Variants in NAALADL2 observed in about 807,000 individuals in gnomAD.
NAALADL2 encodes inactive N-acetylated-alpha-linked acidic dipeptidase-like protein 2.
In NAALADL2, 76 loss-of-function variants were observed where a neutral mutation model predicts 87.2. That is an observed-to-expected ratio of 0.87 (90% CI 0.72 to 1.05). The LOEUF is 1.05. Among genes scored for constraint, NAALADL2 ranks in the 50% least tolerant of loss-of-function variants. NAALADL2 has a pLI of 0.00. For synonymous variants in NAALADL2, 354 were observed against 331.0 expected (o/e 1.07, Z -0.75); for missense variants, 1,089 against 945.8 (o/e 1.15, Z -1.99).
intron 2 of NAALADL2, among the ~76,000 whole-genome samples, chr3:175,223,285 C>CATAT (rs1246191583): frequency 5.3e-5 from 8 of 150,966 alleles, no homozygotes; most frequent in Admixed American, 2.0e-4. Flanking sequence ...CTTCCACCAC[C>CATAT]ATATACCCCT....
chr3:174,450,869 C>CAAAAAAAAAAA (rs761513802), intron 1 of NAALADL2, among the ~76,000 whole-genome samples: 3 of 74,892 alleles, frequency 4.0e-5, no homozygotes, highest in African/African-American at 1.0e-4. Context: ...GACTCTGTCT[C>CAAAAAAAAAAA]AAAAAAAAAA....
At chr3:174,744,790 A>G (rs1001919084) in intron 3 of NAALADL2, among the ~76,000 whole-genome samples, 19 of 152,178 alleles carry the variant, frequency 1.2e-4, no homozygotes, top group Non-Finnish European at 2.6e-4. Flanking sequence ...AAGATTAAGA[A>G]ACTCACTCAA....
chr3:175,702,592 T>C (rs1380928690), intron 11 of NAALADL2, among the ~76,000 whole-genome samples: 7 of 152,150 alleles, frequency 4.6e-5, no homozygotes, highest in Admixed American at 4.6e-4. Context: ...TGCTTCTCAG[T>C]TATAGTCCAT....
intron 2 of NAALADL2, among the ~76,000 whole-genome samples, chr3:174,610,966 C>T (rs1275172079): frequency 1.3e-5 from 2 of 152,022 alleles, no homozygotes; most frequent in African/African-American, 4.8e-5. Context: ...ACATATACAC[C>T]ATGGAATACT....
At chr3:175,532,899 A>G (rs549865419) in intron 9 of NAALADL2, among the ~76,000 whole-genome samples, 8 of 152,290 alleles carry the variant, frequency 5.3e-5, no homozygotes, top group Admixed American at 3.9e-4. Context: ...GGTCAAGGGT[A>G]TATCTTCTGG....
intron 11 of NAALADL2, among the ~76,000 whole-genome samples, chr3:175,690,886 A>T (rs768003474): frequency 9.2e-5 from 14 of 151,908 alleles, no homozygotes; most frequent in Non-Finnish European, 1.6e-4. Flanking sequence ...CAGTCCTCAA[A>T]CTCTATTTTC....
At chr3:174,558,854 T>C (rs943599070) in intron 2 of NAALADL2, among the ~76,000 whole-genome samples, 1 of 152,062 alleles carries the variant, frequency 6.6e-6, no homozygotes, top group Non-Finnish European at 1.5e-5. Flanking sequence ...TTCCTGAAAA[T>C]TTGTGACTTT....
chr3:174,787,576 C>CATATATATATATATATATATAT (rs71300440), intron 3 of NAALADL2, among the ~76,000 whole-genome samples: 1 of 14,728 alleles, frequency 6.8e-5, no homozygotes, highest in Non-Finnish European at 1.5e-4. Context: ...AATATATCAT[C>CATATATATATATATATATATAT]ATATATATAT....
chr3:174,551,487 G>A (rs1373128968), intron 2 of NAALADL2: 1 of 152,162 alleles, frequency 6.6e-6, no homozygotes, highest in Admixed American at 6.6e-5. Context: ...AGAAAGAGCT[G>A]GATATAGTTG....
chr3:175,224,370 G>A (rs975364819), intron 2 of NAALADL2, among the ~76,000 whole-genome samples: 2 of 152,198 alleles, frequency 1.3e-5, no homozygotes, highest in African/African-American at 2.4e-5. Flanking sequence ...CCTGTGAAAT[G>A]TTTGACTGTG....
At chr3:174,744,103 G>C (rs1412543970) in intron 3 of NAALADL2, among the ~76,000 whole-genome samples, 2 of 151,888 alleles carry the variant, frequency 1.3e-5, no homozygotes, top group African/African-American at 4.8e-5. Flanking sequence ...GCCTCATAAT[G>C]ATGTTCAAGT....
intron 1 of NAALADL2, among the ~76,000 whole-genome samples, chr3:175,004,042 A>T (rs1360598998): frequency 5.3e-5 from 8 of 152,106 alleles, no homozygotes; most frequent in Admixed American, 5.2e-4. Flanking sequence ...GTTTCTTCTC[A>T]CCTAAGAAAC....
chr3:175,530,589 C>T (rs1200113183), intron 9 of NAALADL2, among the ~76,000 whole-genome samples: 1 of 152,132 alleles, frequency 6.6e-6, no homozygotes, highest in African/African-American at 2.4e-5. Flanking sequence ...CATCTGTGAA[C>T]CAGGCCCTAG....
chr3:175,217,095 T>A (rs1390032511), intron 2 of NAALADL2, among the ~76,000 whole-genome samples: 3 of 152,220 alleles, frequency 2.0e-5, no homozygotes, highest in Non-Finnish European at 2.9e-5. Flanking sequence ...TTTTGCATAC[T>A]CTTGTTTTCA....
At chr3:175,046,399 A>C (rs116640691) in intron 1 of NAALADL2, among the ~76,000 whole-genome samples, 215 of 152,220 alleles carry the variant, frequency 1.4e-3, no homozygotes, top group African/African-American at 5.0e-3. Context: ...ACGTTAGTTT[A>C]GCTTTTCATA....
intron 2 of NAALADL2, among the ~76,000 whole-genome samples, chr3:175,135,084 G>A (rs1178166966): frequency 5.3e-5 from 8 of 151,998 alleles, no homozygotes; most frequent in Admixed American, 5.2e-4. Context: ...CAAATAGATG[G>A]CTCCTGTCTG....
At chr3:174,737,690 G>T (rs906328849) in exon 3 of NAALADL2, 1 of 152,176 alleles carries the variant, frequency 6.6e-6, no homozygotes, top group Non-Finnish European at 1.5e-5. Flanking sequence ...GGTCCAGATT[G>T]TCAGTCTCCT....
intron 1 of NAALADL2, among the ~76,000 whole-genome samples, chr3:174,495,176 T>G (rs913667106): frequency 6.6e-6 from 1 of 151,832 alleles, no homozygotes; most frequent in Non-Finnish European, 1.5e-5. Context: ...TCCTGCCATC[T>G]ATTTGTAAAT....
intron 1 of NAALADL2, among the ~76,000 whole-genome samples, chr3:174,544,567 C>CTTTT (rs10575227): frequency 3.5e-5 from 4 of 115,166 alleles, no homozygotes; most frequent in Non-Finnish European, 7.0e-5. Flanking sequence ...TTTTTGTTTT[C>CTTTT]TTTTTTTTTT....
Sources: allele counts gnomAD v4.1 joint callset (sites outside exome capture counted in the v4.1 genomes callset), GRCh38; gene constraint gnomAD v4.1.1; transcripts MANE v1.5; gene names NCBI Gene and HGNC (gene_info 2026-07-23, HGNC 2026-07-21).